The following ZDHHC11B variants were observed in gnomAD, a reference collection of about 807,000 sequenced individuals.
ZDHHC11B encodes probable palmitoyltransferase ZDHHC11B.
Under a neutral mutation model 42.3 loss-of-function variants are expected in ZDHHC11B, and 17 were observed. The observed-to-expected ratio is 0.40, with a 90% CI of 0.27 to 0.60. The LOEUF (loss-of-function observed/expected upper bound fraction) is 0.60. Among genes scored for constraint, ZDHHC11B ranks in the 20% least tolerant of loss-of-function variants. The probability of loss-of-function intolerance (pLI) is 0.41; values close to 1 mark genes in which losing one functional copy is unlikely to be tolerated. For missense variants in ZDHHC11B, 262 were observed against 463.2 expected, an observed-to-expected ratio of 0.57 and a Z score of 3.99; for synonymous variants, 123 against 193.5, an observed-to-expected ratio of 0.64 and a Z score of 3.02.
At chr5:767,162 C>T (rs1284802909) in intron 3 of ZDHHC11B, among the ~76,000 whole-genome samples, 3 of 152,078 alleles carry the variant, frequency 2.0e-5, no homozygotes, top group East Asian at 1.9e-4. Flanking sequence ...TGGCCAGAGC[C>T]GAGTGGCAAC....
chr5:780,401 C>T (rs1380733205), intron 1 of ZDHHC11B, among the ~76,000 whole-genome samples: 29 of 151,136 alleles, frequency 1.9e-4, no homozygotes, highest in Non-Finnish European at 3.1e-4. Context: ...GGAGTGTGGG[C>T]GGCGCTGAGC....
chr5:732,555 C>A, intron 11 of ZDHHC11B: 1 of 410,638 alleles, frequency 2.4e-6, no homozygotes, highest in Non-Finnish European at 4.9e-6. Flanking sequence ...AGGCAAGGGG[C>A]AAGTCTTGGA....
At chr5:757,036 G>C (rs56817128) in intron 4 of ZDHHC11B, among the ~76,000 whole-genome samples, 8,598 of 150,464 alleles carry the variant, frequency 0.057, 292 homozygotes, top group African/African-American at 0.17. Context: ...TGGGCTCCCC[G>C]TGACTGGAAC....
At chr5:758,819 G>A (rs1305434215) in intron 4 of ZDHHC11B, among the ~76,000 whole-genome samples, 6 of 151,928 alleles carry the variant, frequency 3.9e-5, no homozygotes, top group African/African-American at 1.2e-4. Flanking sequence ...TTTGGCCAGC[G>A]AGGTCCGCGC....
chr5:744,115 G>A (rs369845479), intron 9 of ZDHHC11B, among the ~76,000 whole-genome samples: 2 of 149,894 alleles, frequency 1.3e-5, no homozygotes, highest in Non-Finnish European at 3.0e-5. Flanking sequence ...ATTGGACTAA[G>A]GTGCTGAGCT....
chr5:780,524 A>C (rs1305939193), intron 1 of ZDHHC11B, among the ~76,000 whole-genome samples: 1 of 148,196 alleles, frequency 6.7e-6, no homozygotes, highest in Non-Finnish European at 1.5e-5. Context: ...TTAAAGGTTA[A>C]AAACAGGCAA....
At chr5:784,566 A>G (rs1340351218) in intron 1 of ZDHHC11B, among the ~76,000 whole-genome samples, 102 bp downstream of exon 1, 3 of 152,152 alleles carry the variant, frequency 2.0e-5, no homozygotes, top group Non-Finnish European at 2.9e-5. Context: ...CGCGGGGGGC[A>G]GGGGCTGCGG....
chr5:721,722 T>C (rs1171816528), intron 12 of ZDHHC11B, among the ~76,000 whole-genome samples: 2 of 151,500 alleles, frequency 1.3e-5, no homozygotes, highest in Admixed American at 1.3e-4. Flanking sequence ...GGTGGGAGAA[T>C]TGGGGAAGGC....
Position 730,542 on chromosome 5 carries a change from A to G in ZDHHC11B, c.1024-74T>C, listed in dbSNP as rs1471533199. 5.5e-6 allele frequency: 8 copies of G among 1,458,648 alleles called. No individual in the cohort carries two copies. In the Admixed American group the frequency reaches 1.8e-4, roughly 34 times the overall value. 90.4% of individuals were successfully genotyped at this position (1,458,648 alleles called of 1,614,324 possible). ...TGACATTAAACTTATTCTTAAACAA[A>G]ATTCAAGTTCATTACTAGTCAGTTC... On this transcript the variant is annotated intron_variant, in intron 11 of 13. Coordinates refer to ENST00000508859, the MANE Select transcript of ZDHHC11B (RefSeq NM_001351303.2).
chr5:761,968 CTGGCCACTCACAGCCATGA>C (rs1340884196), intron 4 of ZDHHC11B, among the ~76,000 whole-genome samples: 3 of 146,678 alleles, frequency 2.0e-5, no homozygotes, highest in African/African-American at 5.1e-5. Context: ...ACAGTCCTGG[CTGGCCACTCACAGCCATGA>C]TGGCCACTCA....
rs1018140197 is a variant in ZDHHC11B, at chr5:721,979, T to C, written c.1059-5114A>G. 9.9e-5 allele frequency among the ~76,000 whole-genome samples: 15 copies of C among 151,722 alleles called. 1 individual carries two copies. Among genetic ancestry groups the C allele is most frequent in the Non-Finnish European group, 1.9e-4 (13 of 67,970 alleles). On this transcript the variant is annotated intron_variant, in intron 12 of 13. Coordinates refer to ENST00000508859, the MANE Select transcript of ZDHHC11B (RefSeq NM_001351303.2). ...TTTTTATGCCAGTGGGGAGAGGACC[T>C]GCTCAATGAATGGAGCTGGAAACAA...
Position 783,333 on chromosome 5 carries a change from A to G in ZDHHC11B, c.-230+1335T>C, listed in dbSNP as rs1207421961. Among the ~76,000 whole-genome samples the G allele has an allele frequency of 7.8e-4, 119 of 152,372 alleles. No homozygotes were observed. In the South Asian group the frequency reaches 0.012, roughly 15 times the overall value. On this transcript the variant is annotated intron_variant, in intron 1 of 13. Coordinates refer to ENST00000508859, the MANE Select transcript of ZDHHC11B (RefSeq NM_001351303.2). ...GTTCAAGGCGCCGGCATCAGGCTGCAGCTGCCTCACTCCCCTCCACTTCCT... is the reference window on the plus strand; with the variant it reads ...GTTCAAGGCGCCGGCATCAGGCTGCGGCTGCCTCACTCCCCTCCACTTCCT...
intron 8 of ZDHHC11B, among the ~76,000 whole-genome samples, chr5:746,536 A>G (rs1451317620): frequency 7.5e-6 from 1 of 133,194 alleles, no homozygotes; most frequent in African/African-American, 2.5e-5. Context: ...TGCGTTCAAG[A>G]AGCCCGTTCC....
intron 12 of ZDHHC11B, among the ~76,000 whole-genome samples, chr5:720,869 G>T (rs1293571946): frequency 6.6e-6 from 1 of 151,556 alleles, no homozygotes; most frequent in Non-Finnish European, 1.5e-5. Context: ...CTAGCCTTTG[G>T]GAAGCTAAAG....
intron 11 of ZDHHC11B, among the ~76,000 whole-genome samples, chr5:731,801 T>G (rs1743037019): frequency 6.6e-6 from 1 of 151,868 alleles, no homozygotes; most frequent in Non-Finnish European, 1.5e-5. Flanking sequence ...CTAGGATTTT[T>G]GTAGGAATGT....
At chr5:783,830 T>G (rs435339) in intron 1 of ZDHHC11B, among the ~76,000 whole-genome samples, 1 of 17,294 alleles carries the variant, frequency 5.8e-5, no homozygotes, top group Non-Finnish European at 1.0e-4. Flanking sequence ...AACAGCAGCC[T>G]CCCAAACCCC....
chr5:721,273 G>A (rs1263248029), intron 12 of ZDHHC11B, among the ~76,000 whole-genome samples: 2 of 150,598 alleles, frequency 1.3e-5, no homozygotes, highest in African/African-American at 4.9e-5. Context: ...TTTTAAATGG[G>A]CAGGAATTGA....
chr5:778,009 C>T (rs1412748107), intron 1 of ZDHHC11B, among the ~76,000 whole-genome samples: 3 of 151,954 alleles, frequency 2.0e-5, no homozygotes, highest in Non-Finnish European at 2.9e-5. Flanking sequence ...GAGCATGGCG[C>T]AGGCGGGCTG....
At chr5:764,801 G>C (rs1378154913) in intron 4 of ZDHHC11B, among the ~76,000 whole-genome samples, 1 of 151,950 alleles carries the variant, frequency 6.6e-6, no homozygotes, top group Admixed American at 6.6e-5. Flanking sequence ...GGAGCCACTA[G>C]GTGAAGCCAG....
Sources: allele counts gnomAD v4.1 joint callset (sites outside exome capture counted in the v4.1 genomes callset), GRCh38; gene constraint gnomAD v4.1.1; transcripts MANE v1.5; gene names NCBI Gene and HGNC (gene_info 2026-07-23, HGNC 2026-07-21).